Variants in WDFY4 observed in about 807,000 individuals in gnomAD.
WDFY4 encodes WD repeat- and FYVE domain-containing protein 4.
WDFY4 carries 169 observed loss-of-function variants against 351.9 expected under a neutral mutation model. The ratio of observed to expected loss-of-function variants is 0.48; its 90% CI spans 0.42 to 0.55. The LOEUF (loss-of-function observed/expected upper bound fraction) is 0.55. WDFY4 is among the 20% of genes least tolerant of loss of function. The probability of loss-of-function intolerance (pLI) is 0.00; values close to 1 mark genes in which losing one functional copy is unlikely to be tolerated. For synonymous variants in WDFY4, 1,622 were observed against 1,574.6 expected (o/e 1.03, Z -0.71); for missense variants, 3,803 against 3,935.6 (o/e 0.97, Z 0.90).
At chr10:48,765,086 G>C (rs2065626201) in intron 13 of WDFY4, among the ~76,000 whole-genome samples, 1 of 152,230 alleles carries the variant, frequency 6.6e-6, no homozygotes, top group African/African-American at 2.4e-5. Context: ...TGGATGAAAA[G>C]GCTAAAATAG....
At position 48,742,889 on chromosome 10, in the gene WDFY4, G is replaced by C. The variant is rs903383821; in HGVS notation, c.1879-79G>C. On this transcript the variant is annotated intron_variant, in intron 11 of 61. Transcript: ENST00000325239. ...TCGTTGAGGGAAGAGCTAGTGGGAC[G>C]CTCTGGCAGGAATGTGTGTGGGCTC... 6 of 1,342,582 alleles carry C rather than the reference G, an allele frequency of 4.5e-6. No homozygotes were observed. In the African/African-American group the frequency reaches 5.9e-5, roughly 13 times the overall value. 83.2% of individuals were successfully genotyped at this position (1,342,582 alleles called of 1,614,324 possible). A position where few individuals can be genotyped will look rare whatever the true frequency, so the allele number is the denominator to read the frequency against.
chr10:48,686,459 G>T (rs922519279), intron 1 of WDFY4, among the ~76,000 whole-genome samples: 1 of 152,006 alleles, frequency 6.6e-6, no homozygotes, highest in African/African-American at 2.4e-5. Context: ...TCCTCTTCAT[G>T]CCCATCTTTC....
In WDFY4 at chr10:48,712,075, C is replaced by G. The variant is rs140531514; in HGVS notation, c.234+2109C>G. On this transcript the variant is annotated intron_variant, in intron 2 of 61. Coordinates refer to ENST00000325239, the MANE Select transcript of WDFY4 (RefSeq NM_001394531.1). ...TGATACTGGTCTTTGTTTTCCACAC[C>G]CTGTCCCTATAATTGGAGGCATAAT... Among the ~76,000 whole-genome samples, 1,117 of 152,206 alleles carry G rather than the reference C, an allele frequency of 7.3e-3. 12 individuals carry two copies. Among genetic ancestry groups the G allele is most frequent in the African/African-American group, 0.025 (1,044 of 41,504 alleles).
At chr10:48,791,873 A>G (rs1159100023) in intron 23 of WDFY4, among the ~76,000 whole-genome samples, 1 of 152,100 alleles carries the variant, frequency 6.6e-6, no homozygotes, top group Non-Finnish European at 1.5e-5. Flanking sequence ...GTCTGTCTGG[A>G]CTACTGCCAC....
intron 47 of WDFY4, among the ~76,000 whole-genome samples, chr10:48,940,675 G>A (rs1458087521): frequency 6.6e-6 from 1 of 152,116 alleles, no homozygotes. Context: ...TTGGTGTGGT[G>A]GAGCATCTTG....
At chr10:48,915,157 G>A (rs1208545224) in intron 47 of WDFY4, among the ~76,000 whole-genome samples, 2 of 152,160 alleles carry the variant, frequency 1.3e-5, no homozygotes, top group Admixed American at 1.3e-4. Context: ...CTATGAGGGG[G>A]CGTAAATTAT....
intron 13 of WDFY4, among the ~76,000 whole-genome samples, chr10:48,764,959 G>A (rs2065621869): frequency 6.6e-6 from 1 of 152,220 alleles, no homozygotes; most frequent in African/African-American, 2.4e-5. Context: ...AAAGGAAAGG[G>A]ATGTTTATGC....
intron 51 of WDFY4, 25 bp downstream of exon 51, chr10:48,946,994 A>G: frequency 9.1e-7 from 1 of 1,093,216 alleles, no homozygotes; most frequent in Non-Finnish European, 1.3e-6. Flanking sequence ...CTCTCTGTAC[A>G]CACACACACA....
Position 48,805,968 on chromosome 10 carries a change from G to A in WDFY4, c.4647-36G>A, listed in dbSNP as rs374486130. 5.9e-5 allele frequency: 91 copies of A among 1,544,378 alleles called. 1 individual carries two copies. In the Middle Eastern group the frequency reaches 1.3e-3, roughly 23 times the overall value. ...GTACTCAGCGGACTCAGTTGAGCCC[G>A]CCTGCGAGCCTGTCCTTCTCTCCCT... On this transcript the variant is annotated intron_variant, in intron 26 of 61. Transcript: ENST00000325239.
intron 40 of WDFY4, among the ~76,000 whole-genome samples, chr10:48,869,267 A>G (rs560652843): frequency 6.6e-6 from 1 of 152,326 alleles, no homozygotes; most frequent in East Asian, 1.9e-4. Flanking sequence ...GAAATCTGCC[A>G]CGTCCTTTGA....
rs752641218 is a variant in WDFY4 at position 48,720,115 on chromosome 10, G to C, written c.339G>C (p.Gly113=). Residue 113 remains glycine, a synonymous_variant, in exon 3 of 62, where the codon GGG becomes GGC. Transcript: ENST00000325239. ...LAQQLQKALV[G]KPAEQARLAA... Reference sequence around the variant, plus strand: ...AGCAACTCCAGAAGGCCCTTGTGGGGAAGCCTGCGGGTAAGAGCATGGAGG... The same window carrying C: ...AGCAACTCCAGAAGGCCCTTGTGGGCAAGCCTGCGGGTAAGAGCATGGAGG... 8.4e-5 allele frequency: 131 copies of C among 1,551,660 alleles called. No homozygotes were observed. The highest frequency in any genetic ancestry group is 1.1e-4 in the Non-Finnish European group (124 of 1,146,992).
intron 27 of WDFY4, 112 bp downstream of exon 27, chr10:48,806,207 G>A: frequency 9.5e-7 from 1 of 1,058,122 alleles, no homozygotes; most frequent in Non-Finnish European, 1.4e-6. Flanking sequence ...GGCACCCACA[G>A]CCAAGCCGTG....
chr10:48,731,123 G>A lies in WDFY4; in HGVS notation c.1143G>A (p.Lys381=). ...TTTCCTCCTCAGGGGTGACTGTTAA[G>A]AATCTTCAGGCCTTCCAGGTCCTAC... ...FHHEASGVTV[K]NLQAFQVLQN... Residue 381 remains lysine, a synonymous_variant, in exon 9 of 62, where the codon AAG becomes AAA. Coordinates refer to ENST00000325239, the MANE Select transcript of WDFY4 (RefSeq NM_001394531.1). The A allele has an allele frequency of 6.5e-7, 1 of 1,544,036 alleles. No homozygotes were observed. Among genetic ancestry groups the A allele is most frequent in the Non-Finnish European group, 8.8e-7 (1 of 1,141,724 alleles).
intron 1 of WDFY4, among the ~76,000 whole-genome samples, chr10:48,702,887 A>G (rs2063519399): frequency 6.6e-6 from 1 of 152,108 alleles, no homozygotes; most frequent in South Asian, 2.1e-4. Context: ...CCTTGCCATC[A>G]TCAAGTTTTG....
intron 11 of WDFY4, among the ~76,000 whole-genome samples, chr10:48,741,702 A>G (rs1254111974): frequency 1.3e-5 from 2 of 152,022 alleles, no homozygotes; most frequent in African/African-American, 4.8e-5. Context: ...GGGAGTGTCT[A>G]TTTTATTTTT....
chr10:48,790,647 G>C, intron 22 of WDFY4, 80 bp from the exon 23 acceptor site: 1 of 1,463,472 alleles, frequency 6.8e-7, no homozygotes, highest in African/African-American at 1.4e-5. Flanking sequence ...TAGCTCATTG[G>C]TCCTCCTGTG....
chr10:48,825,545 A>T (rs376405824), intron 35 of WDFY4, among the ~76,000 whole-genome samples: 34 of 152,210 alleles, frequency 2.2e-4, no homozygotes, highest in African/African-American at 8.0e-4. Flanking sequence ...ATCGTCTTCC[A>T]TGATGGTTGA....
intron 47 of WDFY4, among the ~76,000 whole-genome samples, chr10:48,912,918 A>G (rs1488368187): frequency 6.6e-6 from 1 of 152,176 alleles, no homozygotes; most frequent in East Asian, 1.9e-4. Flanking sequence ...CCCCTACCCA[A>G]CACCAAGTGC....
chr10:48,861,564 A>T (rs947377034), intron 39 of WDFY4, among the ~76,000 whole-genome samples: 1 of 152,110 alleles, frequency 6.6e-6, no homozygotes, highest in African/African-American at 2.4e-5. Context: ...AATCACTGTT[A>T]ATTAAATACT....
Sources: allele counts gnomAD v4.1 joint callset (sites outside exome capture counted in the v4.1 genomes callset), GRCh38; gene constraint gnomAD v4.1.1; transcripts MANE v1.5; gene names NCBI Gene and HGNC (gene_info 2026-07-23, HGNC 2026-07-21).